NDST4: variants seen among roughly 807,000 people sequenced by gnomAD.
NDST4 encodes N-deacetylase and N-sulfotransferase 4, also known as N-heparan sulfate sulfotransferase 4.
NDST4 carries 63 observed loss-of-function variants against 100.8 expected under a neutral mutation model. The ratio of observed to expected loss-of-function variants is 0.62; its 90% CI spans 0.51 to 0.77. The LOEUF is 0.77. Ranked by LOEUF, NDST4 falls within the 30% of genes least tolerant of loss-of-function variation. NDST4 has a pLI of 0.00. For missense variants in NDST4, 943 were observed against 1,018.4 expected (o/e 0.93, Z 1.01); for synonymous variants, 377 against 361.8 (o/e 1.04, Z -0.48).
At position 114,940,957 on chromosome 4, in the gene NDST4, G is replaced by A. The variant is rs559813557; in HGVS notation, c.1222-3454C>T. On this transcript the variant is annotated intron_variant, in intron 4 of 13. Transcript: ENST00000264363. ...GTGGTGGAGCCTGGGGTTTTTATGG[G>A]TACAGGATGGGGTGTGGGGCAGGCC... is the stretch of plus-strand genomic sequence containing the variant. 2.0e-5 allele frequency among the ~76,000 whole-genome samples: 3 copies of A among 152,172 alleles called. No individual in the cohort carries two copies. In the South Asian group the frequency reaches 6.2e-4, roughly 32 times the overall value.
chr4:114,921,898 C>A (rs754407202), intron 6 of NDST4, among the ~76,000 whole-genome samples: 8 of 151,626 alleles, frequency 5.3e-5, no homozygotes, highest in South Asian at 2.1e-4. Flanking sequence ...TTATCATTTT[C>A]TTCCTTTTCT....
At chr4:114,984,685 A>C (rs1044668755) in intron 2 of NDST4, among the ~76,000 whole-genome samples, 1 of 152,176 alleles carries the variant, frequency 6.6e-6, no homozygotes, top group African/African-American at 2.4e-5. Context: ...CACCCAGATA[A>C]CACAAGAAGA....
intron 10 of NDST4, among the ~76,000 whole-genome samples, chr4:114,840,837 A>G (rs2126183835): frequency 6.6e-6 from 1 of 152,322 alleles, no homozygotes; most frequent in East Asian, 1.9e-4. Flanking sequence ...AGAAATAAAA[A>G]TAACTAGAAA....
intron 2 of NDST4, among the ~76,000 whole-genome samples, chr4:114,994,942 C>T (rs1175896762): frequency 7.5e-6 from 1 of 132,846 alleles, no homozygotes; most frequent in Non-Finnish European, 1.6e-5. Flanking sequence ...ACTAAATTAT[C>T]TGCTTTTTTT....
At chr4:114,951,715 C>T (rs1415920077) in intron 4 of NDST4, among the ~76,000 whole-genome samples, 1 of 152,052 alleles carries the variant, frequency 6.6e-6, no homozygotes, top group Non-Finnish European at 1.5e-5. Flanking sequence ...TAATAATCGT[C>T]AAAGACAGAA....
intron 2 of NDST4, among the ~76,000 whole-genome samples, chr4:115,055,677 A>C (rs1364659599): frequency 6.6e-6 from 1 of 152,060 alleles, no homozygotes; most frequent in South Asian, 2.1e-4. Context: ...GTTTAATTTG[A>C]GTCTGTATTT....
At chr4:115,072,162 G>A (rs997012871) in intron 2 of NDST4, among the ~76,000 whole-genome samples, 1 of 152,012 alleles carries the variant, frequency 6.6e-6, no homozygotes, top group African/African-American at 2.4e-5. Context: ...CTTGAAAGCA[G>A]CAAGAGAAAA....
chr4:114,909,570 G>A (rs1434022250), intron 6 of NDST4, among the ~76,000 whole-genome samples: 2 of 149,078 alleles, frequency 1.3e-5, no homozygotes, highest in Admixed American at 6.7e-5. Flanking sequence ...TGAGGCAGGA[G>A]AATGGCGTGA....
At chr4:115,016,925 GA>G (rs1727690881) in intron 2 of NDST4, among the ~76,000 whole-genome samples, 1 of 151,938 alleles carries the variant, frequency 6.6e-6, no homozygotes, top group Non-Finnish European at 1.5e-5. Context: ...ATGACCATGT[GA>G]CCAGTTGTAG....
At chr4:114,852,912 G>T in intron 7 of NDST4, 91 bp from the exon 8 acceptor site, 1 of 809,620 alleles carries the variant, frequency 1.2e-6, no homozygotes, top group Non-Finnish European at 1.9e-6. Context: ...TCAAATTCTG[G>T]CCTAATACCT....
intron 2 of NDST4, among the ~76,000 whole-genome samples, chr4:115,063,639 G>C (rs942445075): frequency 6.6e-6 from 1 of 151,320 alleles, no homozygotes. Flanking sequence ...ATTATAATCT[G>C]AGCCAATTAA....
chr4:114,866,809 T>C (rs1724036193), intron 7 of NDST4, among the ~76,000 whole-genome samples: 1 of 152,176 alleles, frequency 6.6e-6, no homozygotes, highest in African/African-American at 2.4e-5. Flanking sequence ...GCAGTTATTG[T>C]GGCTTATAAG....
intron 10 of NDST4, among the ~76,000 whole-genome samples, chr4:114,841,515 A>G (rs1374315664): frequency 6.6e-6 from 1 of 152,208 alleles, no homozygotes; most frequent in Admixed American, 6.5e-5. Context: ...TGAAAAAGCA[A>G]GCGCAGAGAG....
chr4:114,841,732 A>C (rs1723431055), intron 10 of NDST4, among the ~76,000 whole-genome samples: 1 of 152,206 alleles, frequency 6.6e-6, no homozygotes, highest in African/African-American at 2.4e-5. Context: ...CTTGCTTTGC[A>C]ATGAGTGTTC....
chr4:114,923,996 A>C (rs1725338633), intron 6 of NDST4, among the ~76,000 whole-genome samples: 1 of 152,096 alleles, frequency 6.6e-6, no homozygotes, highest in Non-Finnish European at 1.5e-5. Flanking sequence ...CAGCAGTGCA[A>C]ATTGTATTCC....
At chr4:114,980,830 C>T (rs1387632177) in intron 2 of NDST4, among the ~76,000 whole-genome samples, 3 of 151,958 alleles carry the variant, frequency 2.0e-5, no homozygotes, top group Non-Finnish European at 4.4e-5. Flanking sequence ...AAATATGTAA[C>T]TTATTTATAA....
Position 115,032,115 on chromosome 4 carries a change from T to C in NDST4, c.978+43944A>G, listed in dbSNP as rs905596977. Among the ~76,000 whole-genome samples, 9 of 152,264 alleles carry C rather than the reference T, an allele frequency of 5.9e-5. 1 individual carries two copies. ...TAAAATTGATTTTGGAACTAATTAATGACTTTGCAGAAACAAATCACATTT... is the reference window on the plus strand; with the variant it reads ...TAAAATTGATTTTGGAACTAATTAACGACTTTGCAGAAACAAATCACATTT... On this transcript the variant is annotated intron_variant, in intron 2 of 13. Transcript: ENST00000264363.
chr4:115,059,591 C>G lies in NDST4; in HGVS notation c.978+16468G>C, dbSNP rs1465933994. 2.6e-5 allele frequency among the ~76,000 whole-genome samples: 4 copies of G among 151,968 alleles called. No individual in the cohort carries two copies. The South Asian group carries it at 8.3e-4, about 31-fold the overall frequency. Reference sequence around the variant, plus strand: ...AACCCAAGGAGTTCTATTATTTTTACTTTAAAAAATTCTTCTAGAGACATT... The same window carrying G: ...AACCCAAGGAGTTCTATTATTTTTAGTTTAAAAAATTCTTCTAGAGACATT... On this transcript the variant is annotated intron_variant, in intron 2 of 13. Transcript: ENST00000264363.
chr4:114,972,500 T>C (rs541611422), intron 3 of NDST4, among the ~76,000 whole-genome samples: 4 of 152,152 alleles, frequency 2.6e-5, no homozygotes, highest in African/African-American at 9.6e-5. Flanking sequence ...AGTGTTAGTA[T>C]TACTGACTCA....
Sources: allele counts gnomAD v4.1 joint callset (sites outside exome capture counted in the v4.1 genomes callset), GRCh38; gene constraint gnomAD v4.1.1; transcripts MANE v1.5; gene names NCBI Gene and HGNC (gene_info 2026-07-23, HGNC 2026-07-21).